OPRM1: variants seen among roughly 807,000 people sequenced by gnomAD.
The protein encoded by OPRM1 is mu-type opioid receptor.
OPRM1 carries 27 observed loss-of-function variants against 31.8 expected under a neutral mutation model. That is an observed-to-expected ratio of 0.85 (90% confidence interval 0.63 to 1.17). The LOEUF is 1.17. OPRM1 is among the 50% of genes most tolerant of loss of function. The probability of loss-of-function intolerance (pLI) is 0.00; values close to 1 mark genes in which losing one functional copy is unlikely to be tolerated. For synonymous variants in OPRM1, 196 were observed against 189.9 expected, an observed-to-expected ratio of 1.03 and a Z score of -0.26; for missense variants, 536 against 511.1, an observed-to-expected ratio of 1.05 and a Z score of -0.47.
At chr6:154,237,348 T>A (rs1433517634) in intron 3 of OPRM1, among the ~76,000 whole-genome samples, 1 of 152,222 alleles carries the variant, frequency 6.6e-6, no homozygotes, top group Non-Finnish European at 1.5e-5. Context: ...TCCATTCCCA[T>A]CTTGTAGCTT....
intron 1 of OPRM1, among the ~76,000 whole-genome samples, chr6:154,024,807 A>G (rs1312789438): frequency 6.6e-6 from 1 of 151,908 alleles, no homozygotes; most frequent in Non-Finnish European, 1.5e-5. Context: ...CTCATTGGTC[A>G]TTCAGGAATA....
At chr6:154,195,347 C>A (rs1323808193) in intron 3 of OPRM1, among the ~76,000 whole-genome samples, 1 of 151,960 alleles carries the variant, frequency 6.6e-6, no homozygotes, top group Non-Finnish European at 1.5e-5. Context: ...TGGGGTTTCA[C>A]CATGTTAGCC....
chr6:154,168,253 A>T lies in OPRM1; in HGVS notation c.1164+76781A>T. 1 of 612,512 alleles carries T rather than the reference A, an allele frequency of 1.6e-6. No homozygotes were observed. The highest frequency in any genetic ancestry group is 2.7e-6 in the Non-Finnish European group (1 of 373,038). The allele number at this position is 612,512 out of a possible 1,614,324, so 37.9% of individuals were successfully genotyped here. A position where few individuals can be genotyped will look rare whatever the true frequency, so the allele number is the denominator to read the frequency against. Reference sequence around the variant, plus strand: ...TCTCTCCGGAACTGAAAGACAATAAATGTTTGCTGTCTAAGCCACCCAGTT... The same window carrying T: ...TCTCTCCGGAACTGAAAGACAATAATTGTTTGCTGTCTAAGCCACCCAGTT... On this transcript the variant is annotated intron_variant, in intron 3 of 3. Transcript: ENST00000337049. The surrounding 1 kb of genome is among the most constrained non-coding windows in gnomAD (Gnocchi z 4.1).
chr6:154,096,500 CATTACTTTCA>C (rs1298886201), intron 3 of OPRM1, among the ~76,000 whole-genome samples: 1 of 151,918 alleles, frequency 6.6e-6, no homozygotes, highest in Admixed American at 6.6e-5. Context: ...CGGGTTTTGC[CATTACTTTCA>C]ATGGCAAAAA....
chr6:154,024,900 G>A (rs528137136), intron 1 of OPRM1, among the ~76,000 whole-genome samples: 1 of 152,110 alleles, frequency 6.6e-6, no homozygotes, highest in South Asian at 2.1e-4. Flanking sequence ...TGTGATCAGA[G>A]GAGATGCTTG....
At chr6:154,152,347 G>GAAAGAAAGAAAGAAAGAAAA in intron 3 of OPRM1, among the ~76,000 whole-genome samples, 25 of 65,200 alleles carry the variant, frequency 3.8e-4, no homozygotes, top group African/African-American at 1.2e-3. Flanking sequence ...AAGAAAGAAA[G>GAAAGAAAGAAAGAAAGAAAA]GAAAGAAAGA....
chr6:154,060,843 G>A (rs1008849268), intron 1 of OPRM1, among the ~76,000 whole-genome samples: 1 of 152,112 alleles, frequency 6.6e-6, no homozygotes, highest in Admixed American at 6.5e-5. Context: ...TATCCCACAA[G>A]GAGGTTATAC....
chr6:154,192,900 A>C (rs917784532), intron 3 of OPRM1, among the ~76,000 whole-genome samples: 1 of 152,210 alleles, frequency 6.6e-6, no homozygotes, highest in African/African-American at 2.4e-5. Context: ...AACAGGGATC[A>C]CTTCTACACT....
intron 1 of OPRM1, among the ~76,000 whole-genome samples, chr6:154,012,916 C>T (rs1396606589): frequency 2.6e-5 from 4 of 152,024 alleles, no homozygotes; most frequent in Non-Finnish European, 4.4e-5. Context: ...CTCATAAGGG[C>T]ACTCATCCCA....
At chr6:154,209,311 T>C (rs1777765811) in intron 3 of OPRM1, among the ~76,000 whole-genome samples, 2 of 152,212 alleles carry the variant, frequency 1.3e-5, no homozygotes, top group Admixed American at 1.3e-4. Flanking sequence ...AAGTCATCGC[T>C]AGCCTATACT....
chr6:154,141,891 G>T (rs910387711), intron 3 of OPRM1, among the ~76,000 whole-genome samples: 1 of 152,160 alleles, frequency 6.6e-6, no homozygotes, highest in Non-Finnish European at 1.5e-5. Context: ...GTGATTTCAA[G>T]GCCCAAGATA....
At chr6:154,147,915 C>T (rs1320861694) in intron 3 of OPRM1, among the ~76,000 whole-genome samples, 1 of 152,210 alleles carries the variant, frequency 6.6e-6, no homozygotes, top group Admixed American at 6.5e-5. Flanking sequence ...ATAATTCAGC[C>T]TATTGGGGTC....
intron 1 of OPRM1, among the ~76,000 whole-genome samples, chr6:154,031,773 T>A (rs1238451313): frequency 6.6e-6 from 1 of 151,930 alleles, no homozygotes; most frequent in Admixed American, 6.6e-5. Flanking sequence ...AAAATGTTTA[T>A]TAAATATCTA....
At chr6:154,201,266 T>C (rs1562538138) in intron 3 of OPRM1, among the ~76,000 whole-genome samples, 1 of 152,202 alleles carries the variant, frequency 6.6e-6, no homozygotes, top group Non-Finnish European at 1.5e-5. Context: ...GGAAAGAACT[T>C]CATTTATTCT....
intron 1 of OPRM1, among the ~76,000 whole-genome samples, chr6:154,078,538 G>T (rs1375364071): frequency 6.6e-6 from 1 of 152,148 alleles, no homozygotes; most frequent in Non-Finnish European, 1.5e-5. Context: ...AAAGGAAAAT[G>T]TTTTTAATGA....
intron 3 of OPRM1, among the ~76,000 whole-genome samples, chr6:154,145,803 G>A (rs1261189225): frequency 1.3e-5 from 2 of 152,218 alleles, no homozygotes; most frequent in Non-Finnish European, 2.9e-5. Flanking sequence ...AATGAACAGA[G>A]ATAGAAAACC....
intron 1 of OPRM1, among the ~76,000 whole-genome samples, chr6:154,047,673 T>A (rs1247031519): frequency 1.3e-5 from 2 of 152,238 alleles, no homozygotes; most frequent in Admixed American, 1.3e-4. Context: ...CATTCTGTTC[T>A]GGATATGTGT....
At chr6:154,114,090 C>A (rs965373857) in intron 3 of OPRM1, among the ~76,000 whole-genome samples, 4 of 152,142 alleles carry the variant, frequency 2.6e-5, no homozygotes, top group African/African-American at 4.8e-5. Flanking sequence ...GCTTAGGTCC[C>A]CAGTCATATA....
chr6:154,061,849 A>T (rs530604758), intron 1 of OPRM1, among the ~76,000 whole-genome samples: 62 of 152,016 alleles, frequency 4.1e-4, no homozygotes, highest in Non-Finnish European at 8.4e-4. Context: ...GGTGTTAAGG[A>T]AATGTATGTT....
Sources: allele counts gnomAD v4.1 joint callset (sites outside exome capture counted in the v4.1 genomes callset), GRCh38; gene constraint gnomAD v4.1.1; non-coding constraint Gnocchi (gnomAD v3.1); transcripts MANE v1.5; gene names NCBI Gene and HGNC (gene_info 2026-07-23, HGNC 2026-07-21).